Variants in QRICH2 observed in about 807,000 individuals in gnomAD.
The protein encoded by QRICH2 is glutamine-rich protein 2.
In QRICH2, 119 loss-of-function variants were observed where a neutral mutation model predicts 168.3. The ratio of observed to expected loss-of-function variants is 0.71; its 90% confidence interval spans 0.61 to 0.82. The LOEUF (loss-of-function observed/expected upper bound fraction) is 0.82. Among genes scored for constraint, QRICH2 ranks in the 40% least tolerant of loss-of-function variants. The pLI is 0.00. For synonymous variants in QRICH2, 894 were observed against 951.2 expected (o/e 0.94, Z 1.11); for missense variants, 2,241 against 2,491.6 (o/e 0.90, Z 2.14).
At chr17:76,287,758 G>C in intron 6 of QRICH2, 42 bp downstream of exon 6, 1 of 1,479,276 alleles carries the variant, frequency 6.8e-7, no homozygotes, top group Non-Finnish European at 9.5e-7. Context: ...CTGAGAATTC[G>C]TGATGCCAGG....
intron 3 of QRICH2, among the ~76,000 whole-genome samples, chr17:76,303,663 G>A (rs897448647): frequency 1.3e-5 from 2 of 151,906 alleles, no homozygotes; most frequent in Non-Finnish European, 2.9e-5. Context: ...GAGGTGAGGA[G>A]ATCGAGACTT....
intron 3 of QRICH2, among the ~76,000 whole-genome samples, chr17:76,303,628 T>C (rs2070940211): frequency 6.6e-6 from 1 of 151,254 alleles, no homozygotes; most frequent in African/African-American, 2.4e-5. Flanking sequence ...CCCAGCACTT[T>C]GGGAGGCCGA....
intron 3 of QRICH2, among the ~76,000 whole-genome samples, chr17:76,301,859 C>A (rs1193711560): frequency 6.7e-6 from 1 of 149,990 alleles, no homozygotes; most frequent in Non-Finnish European, 1.5e-5. Context: ...CCTGCCACCA[C>A]ACCTGGCTAA....
upstream of QRICH2, among the ~76,000 whole-genome samples, chr17:76,309,198 T>C (rs915059154): frequency 2.0e-5 from 3 of 148,306 alleles, no homozygotes; most frequent in African/African-American, 7.4e-5. Flanking sequence ...CTGCTAAAAA[T>C]ACAAAAAATT....
At chr17:76,298,907 C>T (rs2070850643) in intron 3 of QRICH2, among the ~76,000 whole-genome samples, 1 of 152,176 alleles carries the variant, frequency 6.6e-6, no homozygotes, top group Admixed American at 6.5e-5. Context: ...TGAGCCACAG[C>T]GCCCGGCCCT....
chr17:76,302,504 A>G (rs1324806813), intron 3 of QRICH2, among the ~76,000 whole-genome samples: 1 of 152,322 alleles, frequency 6.6e-6, no homozygotes, highest in East Asian at 1.9e-4. Flanking sequence ...AAGGATCTTG[A>G]GACGGAGGGA....
At chr17:76,279,907 A>G (rs2070754702) in intron 12 of QRICH2, 126 bp downstream of exon 12, 4 of 1,163,800 alleles carry the variant, frequency 3.4e-6, no homozygotes, top group Non-Finnish European at 4.7e-6. Flanking sequence ...CCCTCCAACC[A>G]TGGGACAGTC....
rs186473628 is a variant in QRICH2 at position 76,301,154 on chromosome 17, T to C, written c.705+3261A>G. 7.4e-4 allele frequency among the ~76,000 whole-genome samples: 113 copies of C among 152,130 alleles called. 2 individuals are homozygous for C. Among genetic ancestry groups the C allele is most frequent in the African/African-American group, 1.9e-4 (8 of 41,514 alleles). Reference sequence around the variant, plus strand: ...ATCACTTGAGTCCAGGAGGTCGAGGTTGCAGTAAGCCCTTATGGTACCACT... The same window carrying C: ...ATCACTTGAGTCCAGGAGGTCGAGGCTGCAGTAAGCCCTTATGGTACCACT... On this transcript the variant is annotated intron_variant, in intron 3 of 18. Coordinates refer to ENST00000680821, the MANE Select transcript of QRICH2 (RefSeq NM_001388453.1).
chr17:76,278,698 C>T lies in QRICH2; in HGVS notation c.4916+343G>A, dbSNP rs1265157914. Among the ~76,000 whole-genome samples the T allele has an allele frequency of 6.6e-5, 10 of 152,360 alleles. No individual in the cohort carries two copies. In the East Asian group the frequency reaches 1.4e-3, roughly 21 times the overall value. ...GACCCTCCCCCCACCGCTCTAATCC[C>T]GGGGTTGCTGAGACAGCCGAAGGCT... is the stretch of plus-strand genomic sequence containing the variant. On this transcript the variant is annotated intron_variant, in intron 14 of 18. Coordinates refer to ENST00000680821, the MANE Select transcript of QRICH2 (RefSeq NM_001388453.1).
chr17:76,308,100 TC>T lies in QRICH2; in HGVS notation c.-103del. On this transcript the variant is annotated 5_prime_UTR_variant, in exon 1 of 19. Coordinates refer to ENST00000680821, the MANE Select transcript of QRICH2 (RefSeq NM_001388453.1). ...GCCTTTCGGGGGCCCTGCGAGGTCC[TC>T]GGGGCGCCCCTGCCCCGGGTCCGGC... 2 of 1,222,044 alleles carry T rather than the reference TC, an allele frequency of 1.6e-6. No individual in the cohort carries two copies. Among genetic ancestry groups the T allele is most frequent in the Non-Finnish European group, 2.0e-6 (2 of 983,126 alleles). 75.7% of individuals were successfully genotyped at this position (1,222,044 alleles called of 1,614,324 possible).
chr17:76,293,232 C>T lies in QRICH2; in HGVS notation c.1495G>A (p.Gly499Ser). The part of the protein sequence containing the change: ...GMDQRGCVIS[G>S]MGQQGLVPPG... The stretch of plus-strand genomic sequence containing the variant: ...GGTACTAGTCCTTGCTGACCCATGC[C>T]TGATATTACACATCCACGCTGATCC... Residue 499 changes from glycine (G) to serine (S), a missense_variant, in exon 4 of 19, where the codon GGC (glycine) becomes AGC (serine). Gly to Ser is a moderately conservative substitution (Grantham distance 56). Around this residue, in one of 3 missense-constraint regions of QRICH2, gnomAD observed 2,047 missense variants for 2,303.8 expected, o/e 0.89. Coordinates refer to ENST00000680821, the MANE Select transcript of QRICH2 (RefSeq NM_001388453.1). The T allele has an allele frequency of 6.2e-7, 1 of 1,614,032 alleles. No individual in the cohort carries two copies. The highest frequency in any genetic ancestry group is 8.5e-7 in the Non-Finnish European group (1 of 1,180,034).
At chr17:76,286,964 C>A (rs1395187172) in intron 7 of QRICH2, among the ~76,000 whole-genome samples, 1 of 150,928 alleles carries the variant, frequency 6.6e-6, no homozygotes, top group Non-Finnish European at 1.5e-5. Flanking sequence ...CTTGTGGACT[C>A]AGAGCTGGCT....
intron 2 of QRICH2, 42 bp downstream of exon 2, chr17:76,304,840 G>GC (rs1377048209): frequency 2.8e-6 from 4 of 1,431,090 alleles, no homozygotes; most frequent in Non-Finnish European, 3.0e-6. Flanking sequence ...GAGACGGCCA[G>GC]CCCCCTGGAG....
At chr17:76,302,455 A>C (rs2070922563) in intron 3 of QRICH2, among the ~76,000 whole-genome samples, 1 of 152,190 alleles carries the variant, frequency 6.6e-6, no homozygotes, top group Admixed American at 6.5e-5. Context: ...ACCTGGGAGC[A>C]TTACCTTACG....
chr17:76,277,227 C>A lies in QRICH2; in HGVS notation c.5201G>T (p.Arg1734Leu). The A allele has an allele frequency of 6.2e-7, 1 of 1,602,056 alleles. No individual in the cohort carries two copies. The highest frequency in any genetic ancestry group is 1.1e-5 in the South Asian group (1 of 89,638). ...GSHTLTYPYH[R>L]SRPQHLPRGL... ...CCGGGGAAGGTGCTGCGGGCGGCTG[C>A]GGTGGTAGGGGTAGGTGAGGGTGTG... The change falls in exon 16 of 19, where the codon CGC becomes CTC. Residue 1734 changes from arginine to leucine, a missense_variant. Arg to Leu is a moderately radical substitution (Grantham distance 102). This residue lies in a region of QRICH2 where 2,047 missense variants were observed against 2,303.8 expected (regional missense o/e 0.89). Transcript: ENST00000680821.
chr17:76,304,402 C>T lies in QRICH2; in HGVS notation c.705+13G>A, dbSNP rs1211718625. 9 of 1,589,386 alleles carry T rather than the reference C, an allele frequency of 5.7e-6. No homozygotes were observed. Among genetic ancestry groups the T allele is most frequent in the Non-Finnish European group, 7.8e-6 (9 of 1,160,202 alleles). Reference sequence around the variant, plus strand: ...CCCACCCAAGACCACGGCCCAGGCCCCCACTGGTTCACCGCTTGTGAGGCT... The same window carrying T: ...CCCACCCAAGACCACGGCCCAGGCCTCCACTGGTTCACCGCTTGTGAGGCT... On this transcript the variant is annotated intron_variant, in intron 3 of 18. Coordinates refer to ENST00000680821, the MANE Select transcript of QRICH2 (RefSeq NM_001388453.1).
rs1568107194 is a variant in QRICH2, at chr17:76,280,531, A to G, written c.4462-80T>C. 6 of 1,592,536 alleles carry G rather than the reference A, an allele frequency of 3.8e-6. No individual in the cohort carries two copies. In the East Asian group the frequency reaches 1.3e-4, roughly 36 times the overall value. ...CCATTCCCTGGGGGTGTCGACCCCT[A>G]TCACCAGGCAGGTTTCTGAGAGCCC... On this transcript the variant is annotated intron_variant, in intron 10 of 18. Transcript: ENST00000680821. The surrounding 1 kb of genome is among the most constrained non-coding windows in gnomAD (Gnocchi z 7.4).
chr17:76,307,561 C>T lies in QRICH2; in HGVS notation c.438G>A (p.Glu146=). Residue 146 remains glutamate (E), a synonymous_variant, in exon 1 of 19, where the codon GAG becomes GAA. Transcript: ENST00000680821. The surrounding 1 kb of genome is among the most constrained non-coding windows in gnomAD (Gnocchi z 5.3). The part of the protein sequence containing the change: ...QASGLDLAAL[E]WPEEQEVGVR... ...CGCCCACCTCCTGCTCCTCCGGCCA[C>T]TCTAGCGCGGCCAGGTCAAGCCCGC... 1 of 1,582,166 alleles carries T rather than the reference C, an allele frequency of 6.3e-7. No homozygotes were observed. Among genetic ancestry groups the T allele is most frequent in the South Asian group, 1.2e-5 (1 of 86,628 alleles).
At chr17:76,282,883 C>G (rs1266538665) in intron 7 of QRICH2, among the ~76,000 whole-genome samples, 4 of 152,190 alleles carry the variant, frequency 2.6e-5, no homozygotes, top group South Asian at 2.1e-4. Flanking sequence ...CTCTGCAGGG[C>G]TGGGGCAGCC....
Sources: allele counts gnomAD v4.1 joint callset (sites outside exome capture counted in the v4.1 genomes callset), GRCh38; gene constraint gnomAD v4.1.1; regional missense constraint gnomAD v4.1.1; non-coding constraint Gnocchi (gnomAD v3.1); transcripts MANE v1.5; gene names NCBI Gene and HGNC (gene_info 2026-07-23, HGNC 2026-07-21).